The following SEC23B variants were observed in gnomAD, a reference collection of about 807,000 sequenced individuals.
SEC23B encodes the protein protein transport protein Sec23B.
SEC23B carries 77 observed loss-of-function variants against 104.3 expected under a neutral mutation model. That is an observed-to-expected ratio of 0.74 (90% CI 0.61 to 0.89). The LOEUF is 0.89. Among genes scored for constraint, SEC23B ranks in the 40% least tolerant of loss-of-function variants. The probability of loss-of-function intolerance (pLI) is 0.00; values close to 1 mark genes in which losing one functional copy is unlikely to be tolerated. For missense variants in SEC23B, 885 were observed against 949.4 expected (o/e 0.93, Z 0.89); for synonymous variants, 338 against 332.5 (o/e 1.02, Z -0.18).
At chr20:18,531,008 C>A (rs991404332) in intron 10 of SEC23B, among the ~76,000 whole-genome samples, 1 of 152,228 alleles carries the variant, frequency 6.6e-6, no homozygotes, top group East Asian at 1.9e-4. Flanking sequence ...AGACTTCTGG[C>A]AACCTCCACC....
intron 3 of SEC23B, among the ~76,000 whole-genome samples, chr20:18,512,957 G>A (rs549534194): frequency 9.6e-4 from 146 of 152,184 alleles, no homozygotes; most frequent in Admixed American, 2.5e-3. Context: ...AGGCTGAGGC[G>A]GGCAGATCAT....
chr20:18,538,231 C>T (rs995104970), intron 12 of SEC23B, among the ~76,000 whole-genome samples: 6 of 149,772 alleles, frequency 4.0e-5, no homozygotes, highest in Admixed American at 6.8e-5. Context: ...TGAGCTACCA[C>T]GCCCCACCTG....
chr20:18,513,120 G>A (rs2059995412), intron 3 of SEC23B, among the ~76,000 whole-genome samples: 1 of 152,124 alleles, frequency 6.6e-6, no homozygotes, highest in South Asian at 2.1e-4. Context: ...GGAGGCGGAG[G>A]TTGCAGTGAG....
At chr20:18,540,972 ATCT>A (rs1486963094) in intron 12 of SEC23B, among the ~76,000 whole-genome samples, 1 of 152,258 alleles carries the variant, frequency 6.6e-6, no homozygotes, top group East Asian at 1.9e-4. Context: ...CCTAGATAGC[ATCT>A]TCTTCCAACT....
At chr20:18,557,745 C>CTTTTTTTTTTTTTTTTTTTTTTTTTT (rs11477198) in intron 19 of SEC23B, among the ~76,000 whole-genome samples, 2 of 116,824 alleles carry the variant, frequency 1.7e-5, no homozygotes, top group African/African-American at 3.1e-5. Flanking sequence ...TTTTTCTTTT[C>CTTTTTTTTTTTTTTTTTTTTTTTTTT]TTTTTTTTTT....
At position 18,526,001 on chromosome 20, in the gene SEC23B, T is replaced by C. The variant is rs2060130834; in HGVS notation, c.834+69T>C. On this transcript the variant is annotated intron_variant, in intron 7 of 19. Transcript: ENST00000650089. The stretch of plus-strand genomic sequence containing the variant: ...CTCTCAGAAAATATATTTGTTGGCT[T>C]TGTTTGAAAATCACTTGTGATCTAA... The C allele has an allele frequency of 2.6e-6, 4 of 1,545,310 alleles. No homozygotes were observed. The Admixed American group carries it at 6.7e-5, about 26-fold the overall frequency.
At chr20:18,514,134 A>G (rs538735529) in intron 3 of SEC23B, among the ~76,000 whole-genome samples, 21 of 152,314 alleles carry the variant, frequency 1.4e-4, no homozygotes, top group African/African-American at 2.2e-4. Context: ...CTGCAAGTCT[A>G]TGTGTCCTAA....
At chr20:18,556,339 GC>G (rs1242632085) in intron 19 of SEC23B, among the ~76,000 whole-genome samples, 1 of 151,714 alleles carries the variant, frequency 6.6e-6, no homozygotes, top group Non-Finnish European at 1.5e-5. Flanking sequence ...AGGGACTTGA[GC>G]ATTTGTGGAT....
Position 18,525,840 on chromosome 20 carries a change from G to A in SEC23B, c.742G>A (p.Glu248Lys), listed in dbSNP as rs398124227. 3 of 1,614,052 alleles carry A rather than the reference G, an allele frequency of 1.9e-6. No homozygotes were observed. The highest frequency in any genetic ancestry group is 1.7e-6 in the Non-Finnish European group (2 of 1,180,030). The change falls in exon 7 of 20, where the codon GAG becomes AAG. Residue 248 changes from glutamate to lysine, a missense_variant. Physicochemically the swap from Glu to Lys is moderately conservative, Grantham distance 56. Transcript: ENST00000650089. ...IDMNLTDLLG[E>K]LQRDPWPVTQ... is the part of the protein sequence containing the mutation. ...TATGAACCTCACTGATCTTCTTGGG[G>A]AGCTACAGAGGGACCCATGGCCAGT...
At chr20:18,537,032 T>C (rs1370589450) in intron 12 of SEC23B, among the ~76,000 whole-genome samples, 1 of 152,148 alleles carries the variant, frequency 6.6e-6, no homozygotes, top group Non-Finnish European at 1.5e-5. Flanking sequence ...AAAATCCACA[T>C]ATAAGTGGAC....
intron 4 of SEC23B, among the ~76,000 whole-genome samples, chr20:18,517,769 C>G (rs2060043123): frequency 2.0e-5 from 3 of 152,054 alleles, no homozygotes; most frequent in Admixed American, 2.0e-4. Flanking sequence ...TTAGAAGGAG[C>G]ATTTGTCGTA....
At chr20:18,536,833 C>T (rs1371086392) in intron 12 of SEC23B, among the ~76,000 whole-genome samples, 2 of 151,992 alleles carry the variant, frequency 1.3e-5, no homozygotes, top group Admixed American at 1.3e-4. Context: ...TGTATTCTTA[C>T]AATAAAGTAA....
chr20:18,521,577 G>A (rs117628434), intron 4 of SEC23B, among the ~76,000 whole-genome samples: 2,951 of 152,284 alleles, frequency 0.019, 51 homozygotes, highest in Middle Eastern at 0.041. Flanking sequence ...AGGGCTAGTC[G>A]TGGAACGAAA....
intron 4 of SEC23B, among the ~76,000 whole-genome samples, chr20:18,518,591 T>TTTTTTTTTTTTTTTG (rs2060054450): frequency 7.3e-6 from 1 of 136,426 alleles, no homozygotes; most frequent in Non-Finnish European, 1.6e-5. Flanking sequence ...GGTTTTTTTT[T>TTTTTTTTTTTTTTTG]TTTTTTTTTT....
At chr20:18,539,924 G>A (rs952612157) in intron 12 of SEC23B, among the ~76,000 whole-genome samples, 2 of 152,196 alleles carry the variant, frequency 1.3e-5, no homozygotes, top group South Asian at 2.1e-4. Context: ...GATTACAGGC[G>A]TAAGCCACTA....
chr20:18,511,098 A>T (rs1256465658), intron 2 of SEC23B, 42 bp downstream of exon 2: 1 of 1,457,026 alleles, frequency 6.9e-7, no homozygotes. Flanking sequence ...TAAATACAAT[A>T]TATTATGAAT....
At chr20:18,514,479 C>T (rs2060007655) in intron 3 of SEC23B, among the ~76,000 whole-genome samples, 1 of 152,160 alleles carries the variant, frequency 6.6e-6, no homozygotes, top group African/African-American at 2.4e-5. Context: ...CAACCAGAGG[C>T]CCCTAAAGCT....
Position 18,555,084 on chromosome 20 carries a change from T to G in SEC23B, c.2149-24T>G, listed in dbSNP as rs191489420. The G allele has an allele frequency of 3.8e-4, 612 of 1,605,236 alleles. 2 individuals carry two copies. The African/African-American group carries it at 7.0e-3, about 18-fold the overall frequency. Reference sequence around the variant, plus strand: ...AATGTCACTTTTTAATCTTTAAATCTTTTTGTTGTTGTTGTTGTTAAAGGC... The same window carrying G: ...AATGTCACTTTTTAATCTTTAAATCGTTTTGTTGTTGTTGTTGTTAAAGGC... On this transcript the variant is annotated intron_variant, in intron 18 of 19. Coordinates refer to ENST00000650089, the MANE Select transcript of SEC23B (RefSeq NM_006363.6).
intron 17 of SEC23B, among the ~76,000 whole-genome samples, chr20:18,553,224 T>C (rs115050976): frequency 0.011 from 1,664 of 152,366 alleles, 35 homozygotes; most frequent in African/African-American, 0.038. Flanking sequence ...AGTGTTCTTA[T>C]GAACTTCTGG....
Sources: allele counts gnomAD v4.1 joint callset (sites outside exome capture counted in the v4.1 genomes callset), GRCh38; gene constraint gnomAD v4.1.1; transcripts MANE v1.5; gene names NCBI Gene and HGNC (gene_info 2026-07-23, HGNC 2026-07-21).